CACNG2: variants seen among roughly 807,000 people sequenced by gnomAD.
CACNG2 encodes calcium voltage-gated channel auxiliary subunit gamma 2.
A neutral mutation model predicts 25.9 loss-of-function variants in CACNG2; 3 were observed. The observed-to-expected ratio is 0.12, with a 90% CI of 0.05 to 0.30. The LOEUF (loss-of-function observed/expected upper bound fraction) is 0.30, where lower values mean the gene tolerates loss of function less well. Among genes scored for constraint, CACNG2 ranks in the 10% least tolerant of loss-of-function variants. The probability of loss-of-function intolerance (pLI) is 1.00; values close to 1 mark genes in which losing one functional copy is unlikely to be tolerated. For synonymous variants in CACNG2, 167 were observed against 173.3 expected (o/e 0.96, Z 0.29); for missense variants, 341 against 432.5 (o/e 0.79, Z 1.88).
intron 2 of CACNG2, among the ~76,000 whole-genome samples, chr22:36,570,327 G>A (rs1232870632): frequency 1.6e-4 from 25 of 152,208 alleles, no homozygotes; most frequent in African/African-American, 9.7e-5. Context: ...GAATCAGAAC[G>A]GCTTCAGAAG....
In CACNG2 at chr22:36,594,963, G is replaced by A. The variant is rs1023842063; in HGVS notation, c.212-7415C>T. Among the ~76,000 whole-genome samples the A allele has an allele frequency of 2.0e-5, 3 of 151,338 alleles. No homozygotes were observed. The East Asian group carries it at 5.8e-4, about 29-fold the overall frequency. On this transcript the variant is annotated intron_variant, in intron 1 of 3. Coordinates refer to ENST00000300105, the MANE Select transcript of CACNG2 (RefSeq NM_006078.5). Reference sequence around the variant, plus strand: ...TTGTGTGTGTCTGTGTCTGTATGTGGGTAGTTTTGAATGCCTACTGTGTGC... The same window carrying A: ...TTGTGTGTGTCTGTGTCTGTATGTGAGTAGTTTTGAATGCCTACTGTGTGC...
At chr22:36,659,448 T>C (rs1488046433) in intron 1 of CACNG2, among the ~76,000 whole-genome samples, 3 of 152,078 alleles carry the variant, frequency 2.0e-5, no homozygotes, top group Non-Finnish European at 4.4e-5. Flanking sequence ...CGTTACTTAT[T>C]TCATGTGAGG....
intron 1 of CACNG2, among the ~76,000 whole-genome samples, chr22:36,686,772 CCCTT>C (rs1937206006): frequency 6.6e-6 from 1 of 152,218 alleles, no homozygotes; most frequent in Admixed American, 6.5e-5. Context: ...ATGACCAAGT[CCCTT>C]CCTTTTTGGG....
intron 2 of CACNG2, among the ~76,000 whole-genome samples, chr22:36,572,992 T>C (rs949968466): frequency 1.3e-5 from 2 of 152,180 alleles, no homozygotes; most frequent in African/African-American, 4.8e-5. Context: ...ATGAAGGACA[T>C]GTATGCCATC....
chr22:36,582,571 A>T (rs1029659307), intron 2 of CACNG2, among the ~76,000 whole-genome samples: 1 of 151,618 alleles, frequency 6.6e-6, no homozygotes, highest in African/African-American at 2.4e-5. Flanking sequence ...ACGCCTGGCT[A>T]AATTTTTTGG....
chr22:36,670,974 A>G (rs1601447412), intron 1 of CACNG2, among the ~76,000 whole-genome samples: 1 of 149,974 alleles, frequency 6.7e-6, no homozygotes, highest in Non-Finnish European at 1.5e-5. Flanking sequence ...GCTGGAGTGC[A>G]GTGGCATGAT....
intron 2 of CACNG2, among the ~76,000 whole-genome samples, chr22:36,571,732 C>T (rs889827355): frequency 6.6e-6 from 1 of 151,892 alleles, no homozygotes; most frequent in African/African-American, 2.4e-5. Context: ...AAAAAATTAG[C>T]TGGGCATGGT....
rs1225748167 is a variant in CACNG2, at chr22:36,673,733, G to A, written c.211+28633C>T. On this transcript the variant is annotated intron_variant, in intron 1 of 3. Transcript: ENST00000300105. ...GGGGCTTCGGCCTCTCTCTTCAGAG[G>A]TTCCTGCCTTGATATGAGGCCCTCA... Among the ~76,000 whole-genome samples, 5 of 152,106 alleles carry A rather than the reference G, an allele frequency of 3.3e-5. 1 individual carries two copies. Among genetic ancestry groups the A allele is most frequent in the Non-Finnish European group, 7.4e-5 (5 of 68,012 alleles).
At chr22:36,645,363 C>T (rs969606842) in intron 1 of CACNG2, among the ~76,000 whole-genome samples, 1 of 151,802 alleles carries the variant, frequency 6.6e-6, no homozygotes, top group Non-Finnish European at 1.5e-5. Context: ...CAGTGAAACC[C>T]CATCTCTACT....
intron 1 of CACNG2, among the ~76,000 whole-genome samples, chr22:36,615,893 T>C (rs1482405982): frequency 6.6e-6 from 1 of 152,268 alleles, no homozygotes; most frequent in Non-Finnish European, 1.5e-5. Flanking sequence ...ACAGATGTAC[T>C]GCATGTCAAG....
intron 1 of CACNG2, among the ~76,000 whole-genome samples, chr22:36,684,432 A>C (rs1030871272): frequency 2.6e-5 from 4 of 152,022 alleles, no homozygotes; most frequent in Admixed American, 2.0e-4. Context: ...CCTGGGCAGC[A>C]TGGCGAAACC....
intron 1 of CACNG2, among the ~76,000 whole-genome samples, chr22:36,588,180 G>A (rs1345707673): frequency 6.6e-6 from 1 of 152,212 alleles, no homozygotes; most frequent in African/African-American, 2.4e-5. Flanking sequence ...AGGCCTGTGA[G>A]GGGGGTATTA....
Position 36,657,442 on chromosome 22 carries a change from G to C in CACNG2, c.211+44924C>G, listed in dbSNP as rs142495531. On this transcript the variant is annotated intron_variant, in intron 1 of 3. Transcript: ENST00000300105. ...CATGCTACTCCCATGTCAGATAGAG[G>C]GGCCTGGCCTGGACTCGGGAGGGCT... 9.1e-4 allele frequency among the ~76,000 whole-genome samples: 138 copies of C among 152,268 alleles called. 2 individuals are homozygous for C. In the East Asian group the frequency reaches 0.023, roughly 25 times the overall value.
intron 1 of CACNG2, among the ~76,000 whole-genome samples, chr22:36,690,227 G>A (rs11912499): frequency 2.6e-5 from 4 of 152,308 alleles, no homozygotes; most frequent in African/African-American, 4.8e-5. Flanking sequence ...TGTAAGCCAC[G>A]TAAGACACTC....
chr22:36,694,171 T>A (rs901041395), intron 1 of CACNG2, among the ~76,000 whole-genome samples: 2 of 152,226 alleles, frequency 1.3e-5, no homozygotes, highest in Admixed American at 1.3e-4. Flanking sequence ...TGCAGCAAGA[T>A]AGCTGACCGT....
At chr22:36,614,631 C>A (rs1373116128) in intron 1 of CACNG2, among the ~76,000 whole-genome samples, 1 of 152,184 alleles carries the variant, frequency 6.6e-6, no homozygotes, top group Non-Finnish European at 1.5e-5. Flanking sequence ...CACCATCCAG[C>A]CCCGGGTCAG....
At chr22:36,676,601 A>G (rs1475996097) in intron 1 of CACNG2, among the ~76,000 whole-genome samples, 2 of 152,080 alleles carry the variant, frequency 1.3e-5, no homozygotes, top group African/African-American at 2.4e-5. Flanking sequence ...AGTCCACACT[A>G]CCTTCCTCGT....
At chr22:36,611,278 G>T (rs961244384) in intron 1 of CACNG2, among the ~76,000 whole-genome samples, 2 of 152,092 alleles carry the variant, frequency 1.3e-5, no homozygotes, top group East Asian at 3.9e-4. Context: ...GGTGATGGAG[G>T]GTCCCGGCCC....
chr22:36,567,040 G>A (rs1030487217), intron 2 of CACNG2, among the ~76,000 whole-genome samples: 2 of 152,338 alleles, frequency 1.3e-5, no homozygotes, highest in South Asian at 2.1e-4. Context: ...GTGTGGTATA[G>A]TGGTTAGGTG....
Sources: gnomAD v4.1 joint callset for allele counts (sites outside exome capture counted in the v4.1 genomes callset) on GRCh38, gnomAD v4.1.1 for gene constraint, MANE v1.5 for transcripts, NCBI Gene and HGNC (gene_info 2026-07-23, HGNC 2026-07-21) for gene names.